The following DDAH1 variants were observed in gnomAD, a reference collection of about 807,000 sequenced individuals.
DDAH1 encodes dimethylarginine dimethylaminohydrolase 1.
DDAH1 carries 19 observed loss-of-function variants against 28.8 expected under a neutral mutation model. That is an observed-to-expected ratio of 0.66 (90% CI 0.46 to 0.97). DDAH1 has a LOEUF of 0.97. Among genes scored for constraint, DDAH1 ranks in the 50% least tolerant of loss-of-function variants. The pLI is 0.00. For synonymous variants in DDAH1, 153 were observed against 154.4 expected, an observed-to-expected ratio of 0.99 and a Z score of 0.07; for missense variants, 326 against 375.9, an observed-to-expected ratio of 0.87 and a Z score of 1.10.
Position 85,465,014 on chromosome 1 carries a change from C to A in DDAH1, c.32G>T (p.Gly11Val). 1 of 1,340,780 alleles carries A rather than the reference C, an allele frequency of 7.5e-7. No individual in the cohort carries two copies. Among genetic ancestry groups the A allele is most frequent in the Non-Finnish European group, 9.5e-7 (1 of 1,048,544 alleles). 83.1% of individuals were successfully genotyped at this position (1,340,780 alleles called of 1,614,324 possible). A position where few individuals can be genotyped will look rare whatever the true frequency, so the allele number is the denominator to read the frequency against. Residue 11 changes from glycine (G) to valine (V), a missense_variant, in exon 1 of 6, where the codon GGC (glycine) becomes GTC (valine). Gly to Val is a moderately radical substitution (Grantham distance 109). Transcript: ENST00000284031. ...CCGCACCACGGCGTGGGTGGCCCGG[C>A]CGAAGGCGGCGGGGTGGCCGAGCCC... MAGLGHPAAF[G>V]RATHAVVRAL...
chr1:85,445,605 T>C lies in DDAH1; in HGVS notation c.303+19138A>G, dbSNP rs189960337. Among the ~76,000 whole-genome samples the C allele has an allele frequency of 1.3e-3, 200 of 152,272 alleles. 1 individual carries two copies. The highest frequency in any genetic ancestry group is 3.8e-4 in the Non-Finnish European group (26 of 68,016). On this transcript the variant is annotated intron_variant, in intron 1 of 5. Transcript: ENST00000284031. The stretch of plus-strand genomic sequence containing the variant: ...AAATATCATGTTACATTGGATTAAT[T>C]TACTTACCTACTTATTTATTTTTGA...
At chr1:85,472,313 C>A (rs950404827) in intron 2 of DDAH1, among the ~76,000 whole-genome samples, 3 of 152,170 alleles carry the variant, frequency 2.0e-5, no homozygotes, top group African/African-American at 7.2e-5. Flanking sequence ...TTAGATCATA[C>A]CTTTTTGGTG....
At chr1:85,520,901 C>A (rs1184677041) in intron 1 of DDAH1, among the ~76,000 whole-genome samples, 2 of 152,148 alleles carry the variant, frequency 1.3e-5, no homozygotes, top group African/African-American at 4.8e-5. Context: ...CTTATACATT[C>A]GCTGGCTCCA....
rs1024488970 is a variant in DDAH1 at position 85,334,250 on chromosome 1, A to T, written c.598-9367T>A. Among the ~76,000 whole-genome samples the T allele has an allele frequency of 3.3e-5, 5 of 152,172 alleles. No individual in the cohort carries two copies. In the East Asian group the frequency reaches 9.6e-4, roughly 29 times the overall value. On this transcript the variant is annotated intron_variant, in intron 4 of 5. Transcript: ENST00000284031. ...TGCTTCCCCTTTGCCTTCCACCATGATTCTAAGTTTCCTGAGGCCTCCCCA... is the reference window on the plus strand; with the variant it reads ...TGCTTCCCCTTTGCCTTCCACCATGTTTCTAAGTTTCCTGAGGCCTCCCCA...
intron 1 of DDAH1, among the ~76,000 whole-genome samples, chr1:85,532,854 C>A (rs1658138263): frequency 6.6e-6 from 1 of 152,222 alleles, no homozygotes. Flanking sequence ...CTTGGGGAAG[C>A]TTCAAAATCT....
intron 4 of DDAH1, among the ~76,000 whole-genome samples, chr1:85,341,074 A>C (rs1648445434): frequency 6.6e-6 from 1 of 152,170 alleles, no homozygotes; most frequent in Admixed American, 6.5e-5. Flanking sequence ...AGGACCCTGA[A>C]CCATTTATTA....
chr1:85,341,572 T>C (rs897281159), intron 4 of DDAH1, among the ~76,000 whole-genome samples: 12 of 152,158 alleles, frequency 7.9e-5, no homozygotes, highest in African/African-American at 2.9e-4. Context: ...TCCCAGCACT[T>C]TGGGAGGCCG....
At chr1:85,451,880 G>A (rs2935) in intron 1 of DDAH1, among the ~76,000 whole-genome samples, 17,405 of 152,114 alleles carry the variant, frequency 0.11, 1,067 homozygotes, top group East Asian at 0.24. Context: ...TTAATAAGTG[G>A]TATGCTTTCT....
At chr1:85,459,355 T>C (rs959135313) in intron 1 of DDAH1, among the ~76,000 whole-genome samples, 2 of 152,220 alleles carry the variant, frequency 1.3e-5, no homozygotes, top group African/African-American at 4.8e-5. Context: ...TAGTATCTAA[T>C]AGAAGTCACT....
At chr1:85,334,728 C>A (rs1036242608) in intron 4 of DDAH1, among the ~76,000 whole-genome samples, 1 of 151,942 alleles carries the variant, frequency 6.6e-6, no homozygotes, top group Non-Finnish European at 1.5e-5. Context: ...AATTAAACCT[C>A]TTTTCTTTAT....
chr1:85,322,431 G>C (rs2100782280), intron 5 of DDAH1, among the ~76,000 whole-genome samples: 1 of 152,314 alleles, frequency 6.6e-6, no homozygotes, highest in African/African-American at 2.4e-5. Flanking sequence ...GTTCTGTGAT[G>C]ATCAAACAAA....
rs12120186 is a variant in DDAH1 at position 85,519,186 on chromosome 1, C to T, written c.-122-22905G>A. Among the ~76,000 whole-genome samples, 3 of 150,468 alleles carry T rather than the reference C, an allele frequency of 2.0e-5. No homozygotes were observed. In the Admixed American group the frequency reaches 2.0e-4, roughly 10 times the overall value. On this transcript the variant is annotated intron_variant, in intron 1 of 6. Transcript: ENST00000426972. ...TTGGCTCACTGCAAGCTCCACCTCC[C>T]GGGTTCATGCCATTCTCCTGCCTCA...
At chr1:85,512,257 T>C (rs1273095571) in intron 1 of DDAH1, among the ~76,000 whole-genome samples, 1 of 152,180 alleles carries the variant, frequency 6.6e-6, no homozygotes, top group Non-Finnish European at 1.5e-5. Context: ...ACCACATGAT[T>C]ATCTCAATAG....
intron 1 of DDAH1, among the ~76,000 whole-genome samples, chr1:85,433,132 CT>C (rs1228380686): frequency 6.6e-6 from 1 of 151,896 alleles, no homozygotes; most frequent in East Asian, 1.9e-4. Flanking sequence ...ATAATTTAAT[CT>C]TTTTTTGTTG....
At chr1:85,562,956 T>C (rs1037852796) in intron 1 of DDAH1, among the ~76,000 whole-genome samples, 4 of 152,246 alleles carry the variant, frequency 2.6e-5, no homozygotes, top group Middle Eastern at 3.4e-3. Context: ...AAACAAATAA[T>C]AAAACTGGAC....
chr1:85,546,515 A>G (rs1658633107), intron 1 of DDAH1, among the ~76,000 whole-genome samples: 1 of 152,202 alleles, frequency 6.6e-6, no homozygotes, highest in Admixed American at 6.5e-5. Flanking sequence ...TCCATCTCTA[A>G]ACTGTCAGAT....
chr1:85,363,594 T>C (rs193265125), intron 1 of DDAH1, among the ~76,000 whole-genome samples: 34 of 152,328 alleles, frequency 2.2e-4, no homozygotes, highest in African/African-American at 8.2e-4. Flanking sequence ...CCTTTTAATG[T>C]TGAGTGTGAC....
chr1:85,403,776 T>G (rs1377514086), intron 1 of DDAH1, among the ~76,000 whole-genome samples: 1 of 152,212 alleles, frequency 6.6e-6, no homozygotes, highest in East Asian at 1.9e-4. Flanking sequence ...TCAAATTTTA[T>G]TTTGGACCAT....
At chr1:85,518,866 G>A (rs1174841179) in intron 1 of DDAH1, among the ~76,000 whole-genome samples, 6 of 152,174 alleles carry the variant, frequency 3.9e-5, no homozygotes, top group African/African-American at 1.4e-4. Context: ...ACATATAATT[G>A]TTGTGACTTT....
Sources: gnomAD v4.1 joint callset for allele counts (sites outside exome capture counted in the v4.1 genomes callset) on GRCh38, gnomAD v4.1.1 for gene constraint, MANE v1.5 for transcripts, NCBI Gene and HGNC (gene_info 2026-07-23, HGNC 2026-07-21) for gene names.